Variants in USH2A observed in about 807,000 individuals in gnomAD.
The protein encoded by USH2A is usherin, also known as Usher syndrome 2A (autosomal recessive, mild).
In USH2A, 443 loss-of-function variants were observed where a neutral mutation model predicts 538.9. The ratio of observed to expected loss-of-function variants is 0.82; its 90% CI spans 0.76 to 0.89. The LOEUF (loss-of-function observed/expected upper bound fraction) is 0.89. USH2A is among the 40% of genes least tolerant of loss of function. The pLI, the probability that USH2A is intolerant of heterozygous loss-of-function variation, is 0.00. For synonymous variants in USH2A, 2,413 were observed against 2,273.5 expected (o/e 1.06, Z -1.75); for missense variants, 6,633 against 6,324.8 (o/e 1.05, Z -1.65).
intron 4 of USH2A, among the ~76,000 whole-genome samples, chr1:216,330,054 A>G (rs1339545765): frequency 6.6e-6 from 1 of 152,098 alleles, no homozygotes; most frequent in Non-Finnish European, 1.5e-5. Context: ...TGAAAGACTT[A>G]CCATAACTGA....
At chr1:216,077,903 A>C (rs1312011339) in intron 27 of USH2A, among the ~76,000 whole-genome samples, 186 bp downstream of exon 27, 1 of 152,056 alleles carries the variant, frequency 6.6e-6, no homozygotes, top group Non-Finnish European at 1.5e-5. Flanking sequence ...TGTTAAGGGT[A>C]ACACACAAAA....
At chr1:216,011,017 A>G (rs556072815) in intron 32 of USH2A, among the ~76,000 whole-genome samples, 1 of 152,220 alleles carries the variant, frequency 6.6e-6, no homozygotes, top group Non-Finnish European at 1.5e-5. Context: ...CTTTGAAAGG[A>G]TTAAAGCCTG....
intron 4 of USH2A, among the ~76,000 whole-genome samples, chr1:216,362,508 C>T (rs1441039163): frequency 6.6e-6 from 1 of 152,086 alleles, no homozygotes; most frequent in Non-Finnish European, 1.5e-5. Context: ...TTTTCACAAC[C>T]TTTCTGGAGG....
chr1:215,798,031 T>A (rs1662194046), intron 50 of USH2A, among the ~76,000 whole-genome samples: 1 of 152,144 alleles, frequency 6.6e-6, no homozygotes, highest in Non-Finnish European at 1.5e-5. Context: ...TAGAGGAAGT[T>A]GATTCCAACC....
intron 37 of USH2A, among the ~76,000 whole-genome samples, chr1:215,944,247 T>C (rs1413874184): frequency 6.6e-6 from 1 of 152,158 alleles, no homozygotes; most frequent in East Asian, 1.9e-4. Flanking sequence ...AACTGCAGAA[T>C]TGAGTAATTA....
chr1:215,889,157 AAC>A lies in USH2A; in HGVS notation c.7595-105_7595-104del, dbSNP rs1395688538. The A allele has an allele frequency of 1.3e-5, 18 of 1,378,042 alleles. No individual in the cohort carries two copies. In the African/African-American group the frequency reaches 2.3e-4, roughly 18 times the overall value. 85.4% of individuals were successfully genotyped at this position (1,378,042 alleles called of 1,614,324 possible). On this transcript the variant is annotated intron_variant, in intron 40 of 71. Coordinates refer to ENST00000307340, the MANE Select transcript of USH2A (RefSeq NM_206933.4). ...GCTCTGCTACAAGGATATGAAAATG[AAC>A]ACTTGGTAAAGGCCAATAAGTAAAT... is the stretch of plus-strand genomic sequence containing the variant.
chr1:215,992,224 TAA>T (rs1165467922), intron 35 of USH2A, among the ~76,000 whole-genome samples: 4 of 152,182 alleles, frequency 2.6e-5, no homozygotes, highest in Non-Finnish European at 2.9e-5. Context: ...GTTTCTATAT[TAA>T]AAGTCTTCTT....
At chr1:215,712,242 A>T (rs2364861) in intron 61 of USH2A, among the ~76,000 whole-genome samples, 123,238 of 152,206 alleles carry the variant, frequency 0.81, 50,197 homozygotes, top group East Asian at 1. Flanking sequence ...ACACATTTAG[A>T]TTCTTATAAA....
chr1:216,262,289 T>C (rs1387811998), intron 11 of USH2A, among the ~76,000 whole-genome samples: 3 of 151,702 alleles, frequency 2.0e-5, no homozygotes, highest in East Asian at 1.9e-4. Context: ...CTCAGCAAGA[T>C]AGAAGAAAAT....
chr1:215,838,204 T>A (rs1663584173), intron 46 of USH2A, 101 bp from the exon 47 acceptor site: 1 of 918,376 alleles, frequency 1.1e-6, no homozygotes, highest in East Asian at 2.4e-5. Flanking sequence ...GAATCTCTTG[T>A]ATTTCTCTAT....
chr1:215,790,086 G>T lies in USH2A; in HGVS notation c.10155C>A (p.Asp3385Glu). 1 of 1,612,162 alleles carries T rather than the reference G, an allele frequency of 6.2e-7. No homozygotes were observed. The highest frequency in any genetic ancestry group is 8.5e-7 in the Non-Finnish European group (1 of 1,179,760). ...GYNPLKYVCSDKISTGMMMKE... is the reference protein window; with the variant it reads ...GYNPLKYVCSEKISTGMMMKE... ...TCATCATCATTCCAGTTGAAATCTT[G>T]TCAGAGCAAACATATTTCAAAGGAT... The change falls in exon 51 of 72, where the codon GAC becomes GAA. Residue 3385 changes from aspartate to glutamate, a missense_variant. Transcript: ENST00000307340.
In USH2A at chr1:215,950,411, TCAATA is replaced by T. The variant is rs1238228895; in HGVS notation, c.7120+14901_7120+14905del. On this transcript the variant is annotated intron_variant, in intron 37 of 71. Coordinates refer to ENST00000307340, the MANE Select transcript of USH2A (RefSeq NM_206933.4). ...TATGATATGTGTTTGTAGTAAGATC[TCAATA>T]CATTATATATGCAAACACATGAATA... 2.0e-5 allele frequency among the ~76,000 whole-genome samples: 3 copies of T among 152,152 alleles called. No homozygotes were observed. The East Asian group carries it at 5.8e-4, about 29-fold the overall frequency.
At chr1:216,320,775 T>G (rs2037591195) in intron 9 of USH2A, among the ~76,000 whole-genome samples, 1 of 152,192 alleles carries the variant, frequency 6.6e-6, no homozygotes, top group Admixed American at 6.5e-5. Flanking sequence ...CAGACTGTTA[T>G]ATTTTTCTTA....
At chr1:215,722,012 C>T (rs960490159) in intron 61 of USH2A, among the ~76,000 whole-genome samples, 2 of 150,046 alleles carry the variant, frequency 1.3e-5, no homozygotes, top group African/African-American at 2.5e-5. Flanking sequence ...CTGCAGTGAG[C>T]TATGATGGTG....
chr1:216,386,647 A>T (rs2039013598), intron 3 of USH2A, among the ~76,000 whole-genome samples: 1 of 151,232 alleles, frequency 6.6e-6, no homozygotes, highest in Non-Finnish European at 1.5e-5. Context: ...CAAGGTCAGG[A>T]GATCGAGACC....
In USH2A at chr1:216,198,528, T is replaced by G; in HGVS notation, c.3868A>C (p.Thr1290Pro). The G allele has an allele frequency of 1.2e-6, 2 of 1,613,928 alleles. No homozygotes were observed. The highest frequency in any genetic ancestry group is 2.7e-5 in the African/African-American group (2 of 75,062). The change falls in exon 18 of 72, where the codon ACA becomes CCA. Residue 1290 changes from threonine (T) to proline (P), a missense_variant. Thr to Pro is a conservative substitution (Grantham distance 38, BLOSUM62 -1). Coordinates refer to ENST00000307340, the MANE Select transcript of USH2A (RefSeq NM_206933.4). ...MRRLRSTKET[T>P]SEESRVFQSS... The stretch of plus-strand genomic sequence containing the variant: ...TGAAAAACTCGACTTTCCTCAGATG[T>G]GGTTTCTTTAGTAGATCTCAGTCTT...
intron 21 of USH2A, among the ~76,000 whole-genome samples, chr1:216,160,059 C>T (rs1373318663): frequency 1.3e-5 from 2 of 151,888 alleles, no homozygotes; most frequent in Admixed American, 1.3e-4. Context: ...TCCTTGATCA[C>T]TTGCAAAGAA....
At chr1:215,734,586 A>G (rs1174944490) in intron 60 of USH2A, among the ~76,000 whole-genome samples, 1 of 152,188 alleles carries the variant, frequency 6.6e-6, no homozygotes, top group Non-Finnish European at 1.5e-5. Flanking sequence ...TAAAAGTTCC[A>G]ACTTTGAGTC....
chr1:216,360,880 G>A (rs1393220184), intron 4 of USH2A, among the ~76,000 whole-genome samples: 1 of 151,946 alleles, frequency 6.6e-6, no homozygotes, highest in Non-Finnish European at 1.5e-5. Flanking sequence ...AAATACAAAT[G>A]AGTAATTTAA....
Sources: gnomAD v4.1 joint callset for allele counts (sites outside exome capture counted in the v4.1 genomes callset) on GRCh38, gnomAD v4.1.1 for gene constraint, MANE v1.5 for transcripts, NCBI Gene and HGNC (gene_info 2026-07-23, HGNC 2026-07-21) for gene names.